Variants in PDZD2 observed in about 807,000 individuals in gnomAD.
PDZD2 encodes the protein PDZ domain containing 2, also known as PDZ domain-containing protein 2.
A neutral mutation model predicts 220.7 loss-of-function variants in PDZD2; 90 were observed. That is an observed-to-expected ratio of 0.41 (90% CI 0.34 to 0.49). PDZD2 has a LOEUF of 0.49. Ranked by LOEUF, PDZD2 falls within the 20% of genes least tolerant of loss-of-function variation. The pLI is 0.28. For synonymous variants in PDZD2, 1,375 were observed against 1,450.5 expected, an observed-to-expected ratio of 0.95 and a Z score of 1.18; for missense variants, 3,174 against 3,608.5, an observed-to-expected ratio of 0.88 and a Z score of 3.08.
Position 32,087,701 on chromosome 5 carries a change from G to A in PDZD2, c.4253G>A (p.Gly1418Glu). The A allele has an allele frequency of 6.2e-7, 1 of 1,614,062 alleles. No individual in the cohort carries two copies. The highest frequency in any genetic ancestry group is 8.5e-7 in the Non-Finnish European group (1 of 1,179,938). ...GHVSGHCCPG[G>E]SRESPVTDID... ...GTCTCGGGGCACTGCTGCCCAGGGG[G>A]GAGTAGAGAGAGCCCTGTGACGGAC... is the stretch of plus-strand genomic sequence containing the variant. The change falls in exon 20 of 25, where the codon GGG becomes GAG. Residue 1418 changes from glycine (G) to glutamate (E), a missense_variant. By Grantham distance (98) the Gly-to-Glu change is moderately conservative (BLOSUM62 -2). Coordinates refer to ENST00000438447, the MANE Select transcript of PDZD2 (RefSeq NM_178140.4). The surrounding 1 kb of genome is among the most constrained non-coding windows in gnomAD (Gnocchi z 4.0).
chr5:31,947,307 A>C (rs185852960), intron 2 of PDZD2, among the ~76,000 whole-genome samples: 2 of 152,344 alleles, frequency 1.3e-5, no homozygotes, highest in African/African-American at 4.8e-5. Flanking sequence ...TGAAATGCCC[A>C]TGTATGCAGG....
chr5:31,861,994 C>T (rs1737748926), intron 2 of PDZD2, among the ~76,000 whole-genome samples: 2 of 151,958 alleles, frequency 1.3e-5, no homozygotes, highest in East Asian at 1.9e-4. Context: ...ATCATTATAT[C>T]CTGAACACCC....
intron 1 of PDZD2, among the ~76,000 whole-genome samples, chr5:31,748,986 C>A (rs1750766677): frequency 1.3e-5 from 2 of 152,162 alleles, no homozygotes; most frequent in African/African-American, 4.8e-5. Context: ...ACTGGAATAA[C>A]CCTGACCTTG....
chr5:31,878,804 G>A (rs1327638344), intron 2 of PDZD2, among the ~76,000 whole-genome samples: 3 of 151,270 alleles, frequency 2.0e-5, no homozygotes, highest in African/African-American at 7.3e-5. Context: ...TTCGTGATCC[G>A]CCTGCCTCGG....
chr5:31,761,641 A>C (rs898696555), intron 1 of PDZD2, among the ~76,000 whole-genome samples: 2 of 152,102 alleles, frequency 1.3e-5, no homozygotes, highest in African/African-American at 4.8e-5. Flanking sequence ...TGGGCGGATC[A>C]CCTGAGATTG....
chr5:31,663,614 T>C (rs1361202270), intron 1 of PDZD2, among the ~76,000 whole-genome samples: 3 of 152,306 alleles, frequency 2.0e-5, no homozygotes, highest in Non-Finnish European at 4.4e-5. Context: ...TTAGTTGTTA[T>C]CCCAAATGCA....
chr5:31,754,592 T>A (rs1341725645), intron 1 of PDZD2: 1 of 152,248 alleles, frequency 6.6e-6, no homozygotes, highest in Non-Finnish European at 1.5e-5. Context: ...TAAGTAATTT[T>A]CTCTCCTTTT....
intron 2 of PDZD2, among the ~76,000 whole-genome samples, chr5:31,873,929 T>C (rs1311454346): frequency 6.6e-6 from 1 of 151,590 alleles, no homozygotes; most frequent in African/African-American, 2.4e-5. Context: ...GGGGTTTCTC[T>C]GTGTTGGTCA....
rs534951548 is a variant in PDZD2, at chr5:31,960,661, T to G, written c.477-22494T>G. ...TGCTGGACCACGAACCACTGCCACT[T>G]CCTAAGGAAAACCTTGCTATCCACA... On this transcript the variant is annotated intron_variant, in intron 2 of 24. Coordinates refer to ENST00000438447, the MANE Select transcript of PDZD2 (RefSeq NM_178140.4). Among the ~76,000 whole-genome samples the G allele has an allele frequency of 1.2e-3, 185 of 152,218 alleles. 2 individuals carry two copies. Among genetic ancestry groups the G allele is most frequent in the African/African-American group, 4.4e-3 (183 of 41,526 alleles).
At chr5:31,842,869 T>C (rs957969195) in intron 2 of PDZD2, among the ~76,000 whole-genome samples, 1 of 152,008 alleles carries the variant, frequency 6.6e-6, no homozygotes, top group African/African-American at 2.4e-5. Context: ...TTTTTGTTGT[T>C]GTTGTTTTGT....
intron 2 of PDZD2, among the ~76,000 whole-genome samples, chr5:31,937,376 G>C (rs937245127): frequency 2.0e-5 from 3 of 152,306 alleles, no homozygotes; most frequent in Admixed American, 6.5e-5. Context: ...CGGTAGAATA[G>C]CCCAGCCTGA....
In PDZD2 at chr5:32,098,461, T is replaced by C; in HGVS notation, c.8045T>C (p.Leu2682Ser). 2 of 1,614,212 alleles carry C rather than the reference T, an allele frequency of 1.2e-6. No homozygotes were observed. The highest frequency in any genetic ancestry group is 8.5e-7 in the Non-Finnish European group (1 of 1,180,036). ...LSVNGASLAG[L>S]AHGNVLKVLH... ...GTCAACGGCGCCTCACTGGCTGGCT[T>C]AGCCCACGGGAATGTCCTGAAGGTT... Residue 2682 changes from leucine (L) to serine (S), a missense_variant, in exon 23 of 25, where the codon TTA becomes TCA. Coordinates refer to ENST00000438447, the MANE Select transcript of PDZD2 (RefSeq NM_178140.4). This position sits in a 1 kb window ranked among gnomAD's most constrained non-coding sequence, Gnocchi z 4.1.
chr5:32,028,376 C>T (rs1260597824), intron 6 of PDZD2, among the ~76,000 whole-genome samples: 3 of 152,138 alleles, frequency 2.0e-5, no homozygotes, highest in East Asian at 1.9e-4. Flanking sequence ...CCCTAGAAGA[C>T]GAAATTTGCC....
chr5:31,807,399 A>T (rs1754800731), intron 2 of PDZD2, among the ~76,000 whole-genome samples: 1 of 152,174 alleles, frequency 6.6e-6, no homozygotes, highest in African/African-American at 2.4e-5. Context: ...TGTTGAGTGG[A>T]TGACAGATGA....
chr5:31,860,276 C>G (rs1201943888), intron 2 of PDZD2, among the ~76,000 whole-genome samples: 4 of 152,100 alleles, frequency 2.6e-5, no homozygotes, highest in African/African-American at 9.7e-5. Context: ...TACCTAGGGC[C>G]AAGGTGATTT....
chr5:31,895,403 A>G (rs1189276559), intron 2 of PDZD2, among the ~76,000 whole-genome samples: 1 of 152,180 alleles, frequency 6.6e-6, no homozygotes, highest in Non-Finnish European at 1.5e-5. Flanking sequence ...GTGAGGATAC[A>G]GCTGGAAGAC....
At chr5:31,789,791 G>A (rs571408303) in intron 1 of PDZD2, among the ~76,000 whole-genome samples, 23 of 152,196 alleles carry the variant, frequency 1.5e-4, no homozygotes, top group African/African-American at 4.6e-4. Context: ...GGTGGCGGGC[G>A]CCTGTAATCC....
chr5:31,741,186 A>AGT (rs199805122), intron 1 of PDZD2, among the ~76,000 whole-genome samples: 9 of 107,520 alleles, frequency 8.4e-5, no homozygotes, highest in African/African-American at 3.5e-4. Flanking sequence ...CTTGTACAAT[A>AGT]GTGTGTACAC....
intron 2 of PDZD2, among the ~76,000 whole-genome samples, chr5:31,940,204 T>A (rs1303416245): frequency 6.6e-6 from 1 of 152,226 alleles, no homozygotes; most frequent in Non-Finnish European, 1.5e-5. Flanking sequence ...GGGAACAAGA[T>A]AGCAACATTC....
Sources: gnomAD v4.1 joint callset for allele counts (sites outside exome capture counted in the v4.1 genomes callset) on GRCh38, gnomAD v4.1.1 for gene constraint, Gnocchi (gnomAD v3.1) non-coding constraint, MANE v1.5 for transcripts, NCBI Gene and HGNC (gene_info 2026-07-23, HGNC 2026-07-21) for gene names.